Variants in UBAP2 observed in about 807,000 individuals in gnomAD.
UBAP2 encodes the protein ubiquitin associated protein 2, also known as ubiquitin-associated protein 2.
In UBAP2, 75 loss-of-function variants were observed where a neutral mutation model predicts 139.6. The ratio of observed to expected loss-of-function variants is 0.54; its 90% CI spans 0.45 to 0.65. UBAP2 has a LOEUF of 0.65. Ranked by LOEUF, UBAP2 falls within the 30% of genes least tolerant of loss-of-function variation. The pLI is 0.00. For synonymous variants in UBAP2, 526 were observed against 526.2 expected, an observed-to-expected ratio of 1.00 and a Z score of 0.01; for missense variants, 1,368 against 1,369.6, an observed-to-expected ratio of 1.00 and a Z score of 0.02.
At chr9:33,991,587 A>C (rs1193684749) in intron 4 of UBAP2, among the ~76,000 whole-genome samples, 5 of 152,322 alleles carry the variant, frequency 3.3e-5, no homozygotes, top group African/African-American at 1.2e-4. Context: ...AAGAGGTATA[A>C]GTCATTATTT....
chr9:34,015,652 C>T (rs1319201260), intron 2 of UBAP2, among the ~76,000 whole-genome samples: 4 of 151,694 alleles, frequency 2.6e-5, no homozygotes, highest in Non-Finnish European at 5.9e-5. Context: ...TCATTAAAAG[C>T]CATTCTAAGA....
intron 4 of UBAP2, among the ~76,000 whole-genome samples, chr9:33,989,415 A>G (rs1821505571): frequency 6.6e-6 from 1 of 151,982 alleles, no homozygotes; most frequent in Non-Finnish European, 1.5e-5. Context: ...GTTAGCCATG[A>G]TGGTCTCGAT....
chr9:33,944,327 C>A (rs1027710407), intron 14 of UBAP2, 38 bp downstream of exon 14: 3 of 1,597,622 alleles, frequency 1.9e-6, no homozygotes, highest in African/African-American at 1.3e-5. Context: ...AAAAATAATT[C>A]CAGCTTTAGG....
chr9:33,952,152 T>G (rs1257318167), intron 12 of UBAP2, among the ~76,000 whole-genome samples: 1 of 152,188 alleles, frequency 6.6e-6, no homozygotes, highest in Non-Finnish European at 1.5e-5. Context: ...GCAATAAATT[T>G]CAGGAAAAAC....
In UBAP2 at chr9:33,948,584, A is replaced by G; in HGVS notation, c.1060T>C (p.Ser354Pro). 1 of 1,614,092 alleles carries G rather than the reference A, an allele frequency of 6.2e-7. No individual in the cohort carries two copies. Among genetic ancestry groups the G allele is most frequent in the East Asian group, 2.2e-5 (1 of 44,890 alleles). Reference sequence around the variant, plus strand: ...TCTCCAAATCCTGAGCCAAGGACGGATGACTTTAAAAGGGGGATAAAAGAA... The same window carrying G: ...TCTCCAAATCCTGAGCCAAGGACGGGTGACTTTAAAAGGGGGATAAAAGAA... ...VNSCSPQSLS[S>P]VLGSGFGELA... is the part of the protein sequence containing the mutation. The change falls in exon 13 of 29, where the codon TCC (serine) becomes CCC (proline). Residue 354 changes from serine to proline, a missense_variant. Physicochemically the swap from Ser to Pro is moderately conservative, Grantham distance 74. Transcript: ENST00000379238.
chr9:34,042,067 G>A (rs1827143008), intron 1 of UBAP2, among the ~76,000 whole-genome samples: 1 of 152,102 alleles, frequency 6.6e-6, no homozygotes, highest in South Asian at 2.1e-4. Flanking sequence ...GCATGTAAGA[G>A]TGAAAGAATC....
intron 6 of UBAP2, among the ~76,000 whole-genome samples, chr9:33,983,784 A>C (rs1481209852): frequency 6.6e-6 from 1 of 152,250 alleles, no homozygotes; most frequent in Non-Finnish European, 1.5e-5. Context: ...CTTACTTTAC[A>C]GAAACCTGGT....
At chr9:34,007,817 A>G (rs1042029254) in intron 2 of UBAP2, among the ~76,000 whole-genome samples, 6 of 150,684 alleles carry the variant, frequency 4.0e-5, no homozygotes, top group African/African-American at 1.5e-4. Flanking sequence ...TTTTTTTTCC[A>G]TTTATAATAG....
chr9:34,039,156 T>C (rs1186282399), intron 1 of UBAP2, among the ~76,000 whole-genome samples: 1 of 147,830 alleles, frequency 6.8e-6, no homozygotes, highest in African/African-American at 2.5e-5. Context: ...GGGGGCAGCC[T>C]CCGCCCAGCC....
chr9:34,016,713 G>A (rs1019735224), intron 2 of UBAP2, among the ~76,000 whole-genome samples: 6 of 149,946 alleles, frequency 4.0e-5, no homozygotes, highest in Admixed American at 1.3e-4. Context: ...ACACCACCAC[G>A]CCCAGCTAAT....
At chr9:33,973,370 G>T (rs1828055673) in intron 6 of UBAP2, 133 bp from the exon 7 acceptor site, 1 of 960,338 alleles carries the variant, frequency 1.0e-6, no homozygotes, top group Non-Finnish European at 1.6e-6. Flanking sequence ...TCCAATCCAG[G>T]GCACCCAATT....
intron 2 of UBAP2, among the ~76,000 whole-genome samples, chr9:34,015,781 A>G (rs1490247060): frequency 1.3e-5 from 2 of 151,778 alleles, no homozygotes; most frequent in Admixed American, 6.6e-5. Context: ...TGATCCTCCC[A>G]CCTCAGCCGC....
Position 33,941,686 on chromosome 9 carries a change from G to A in UBAP2, c.1892C>T (p.Pro631Leu). 2.5e-6 allele frequency: 4 copies of A among 1,614,134 alleles called. No homozygotes were observed. Among genetic ancestry groups the A allele is most frequent in the Non-Finnish European group, 3.4e-6 (4 of 1,180,022 alleles). The change falls in exon 16 of 29, where the codon CCT becomes CTT. Residue 631 changes from proline to leucine, a missense_variant. Physicochemically the swap from Pro to Leu is moderately conservative, Grantham distance 98. Coordinates refer to ENST00000379238, the MANE Select transcript of UBAP2 (RefSeq NM_001370062.2). The stretch of plus-strand genomic sequence containing the variant: ...TGGAGCTGACTCTGATGAACTCACA[G>A]GGCTTTGGTATGGGATCCTGTTATG... ...SVHNRIPYQS[P>L]VSSSESAPGT...
chr9:34,025,159 G>A (rs961585262), intron 1 of UBAP2, among the ~76,000 whole-genome samples: 2 of 152,124 alleles, frequency 1.3e-5, no homozygotes, highest in African/African-American at 2.4e-5. Context: ...ATACTGTTAG[G>A]AGGAACTTCT....
intron 1 of UBAP2, among the ~76,000 whole-genome samples, chr9:34,048,480 T>A (rs1010259466): frequency 6.6e-6 from 1 of 152,088 alleles, no homozygotes; most frequent in Admixed American, 6.5e-5. Context: ...TCCAGTCTAC[T>A]GGCAGGCACC....
intron 2 of UBAP2, among the ~76,000 whole-genome samples, chr9:34,016,350 GGCA>G (rs1481367700): frequency 3.2e-5 from 3 of 93,570 alleles, no homozygotes; most frequent in Non-Finnish European, 4.6e-5. Flanking sequence ...AAGAGGAGGA[GGCA>G]GCAGCGGCGG....
chr9:33,933,503 A>G lies in UBAP2; in HGVS notation c.2095T>C (p.Ser699Pro), dbSNP rs1405409967. The G allele has an allele frequency of 6.2e-7, 1 of 1,613,772 alleles. No individual in the cohort carries two copies. The highest frequency in any genetic ancestry group is 8.5e-7 in the Non-Finnish European group (1 of 1,179,930). Residue 699 changes from serine (S) to proline (P), a missense_variant, in exon 18 of 29, where the codon TCT becomes CCT. Physicochemically the swap from Ser to Pro is moderately conservative, Grantham distance 74. Coordinates refer to ENST00000379238, the MANE Select transcript of UBAP2 (RefSeq NM_001370062.2). ...HTGDLTSSPL[S>P]QLSSSLSSHQ... ...CCTTCCCCATACCTGCTAAGCTGAG[A>G]GAGAGGGCTGCTAGTCAGGTCGCCA...
chr9:34,028,332 T>C (rs960103077), intron 1 of UBAP2, among the ~76,000 whole-genome samples: 5 of 150,952 alleles, frequency 3.3e-5, no homozygotes, highest in African/African-American at 9.7e-5. Flanking sequence ...GTCCTATTCC[T>C]ATCCTGCTAA....
At chr9:33,935,694 C>A in intron 17 of UBAP2, 145 bp downstream of exon 17, 2 of 865,848 alleles carry the variant, frequency 2.3e-6, no homozygotes, top group South Asian at 1.4e-5. Flanking sequence ...CAGCCAACAC[C>A]TGGTCCAAAA....
Sources: gnomAD v4.1 joint callset for allele counts (sites outside exome capture counted in the v4.1 genomes callset) on GRCh38, gnomAD v4.1.1 for gene constraint, MANE v1.5 for transcripts, NCBI Gene and HGNC (gene_info 2026-07-23, HGNC 2026-07-21) for gene names.